Variants in BACH2 observed in about 807,000 individuals in gnomAD.
BACH2 encodes the protein BACH transcriptional regulator 2, also known as transcription regulator protein BACH2.
BACH2 carries 5 observed loss-of-function variants against 61.8 expected under a neutral mutation model. That is an observed-to-expected ratio of 0.08 (90% CI 0.04 to 0.17). The LOEUF (loss-of-function observed/expected upper bound fraction) is 0.17, where lower values mean the gene tolerates loss of function less well. Ranked by LOEUF, BACH2 falls within the 10% of genes least tolerant of loss-of-function variation. The probability of loss-of-function intolerance (pLI) is 1.00; values close to 1 mark genes in which losing one functional copy is unlikely to be tolerated. For synonymous variants in BACH2, 446 were observed against 440.1 expected (o/e 1.01, Z -0.17); for missense variants, 824 against 1,091.1 (o/e 0.76, Z 3.45).
chr6:90,252,552 A>C lies in BACH2; in HGVS notation c.-314T>G, dbSNP rs774976977. On this transcript the variant is annotated 5_prime_UTR_variant, in exon 3 of 9. Transcript: ENST00000257749. ...ATGCTTTCTTCTGGCTTTATCATTC[A>C]ACTTCCCAGGCAAAGATGATCAACA... 1.1e-4 allele frequency: 17 copies of C among 152,196 alleles called. No individual in the cohort carries two copies. Among genetic ancestry groups the C allele is most frequent in the Non-Finnish European group, 2.4e-4 (16 of 68,032 alleles). 9.4% of individuals were successfully genotyped at this position (152,196 alleles called of 1,614,324 possible). A position where few individuals can be genotyped will look rare whatever the true frequency, so the allele number is the denominator to read the frequency against.
chr6:90,113,625 T>A (rs1050426158), intron 4 of BACH2, among the ~76,000 whole-genome samples: 6 of 151,564 alleles, frequency 4.0e-5, no homozygotes, highest in Admixed American at 2.0e-4. Context: ...AATGTTCACA[T>A]CAAAAAGTTA....
chr6:89,959,604 G>A (rs570189813), intron 6 of BACH2, among the ~76,000 whole-genome samples: 1 of 152,254 alleles, frequency 6.6e-6, no homozygotes, highest in African/African-American at 2.4e-5. Flanking sequence ...CTCTCTCTGT[G>A]CGTGTGTATC....
intron 5 of BACH2, chr6:90,062,773 C>A: frequency 5.4e-6 from 1 of 186,814 alleles, no homozygotes; most frequent in Non-Finnish European, 8.0e-6. Flanking sequence ...TTTTTTTTTT[C>A]CCTAAAGTGT....
At chr6:90,174,079 T>G (rs1013828317) in intron 4 of BACH2, among the ~76,000 whole-genome samples, 4 of 152,104 alleles carry the variant, frequency 2.6e-5, no homozygotes, top group Non-Finnish European at 5.9e-5. Context: ...TTCCTAATAA[T>G]GTATCTTCAA....
intron 4 of BACH2, among the ~76,000 whole-genome samples, chr6:90,156,642 ACTTAGGGCCTTGCATTT>A (rs1392146494): frequency 6.6e-6 from 1 of 152,140 alleles, no homozygotes; most frequent in Non-Finnish European, 1.5e-5. Context: ...GGTGGTCTTT[ACTTAGGGCCTTGCATTT>A]CTTAGGCTAA....
chr6:90,157,039 T>C (rs990184055), intron 4 of BACH2, among the ~76,000 whole-genome samples: 46 of 152,140 alleles, frequency 3.0e-4, no homozygotes, highest in Non-Finnish European at 1.6e-4. Flanking sequence ...GCCGCACTCT[T>C]CAAGAGCTTC....
At chr6:89,966,814 G>C (rs970730895) in intron 6 of BACH2, among the ~76,000 whole-genome samples, 1 of 152,200 alleles carries the variant, frequency 6.6e-6, no homozygotes, top group Non-Finnish European at 1.5e-5. Flanking sequence ...TTGCTGGGAA[G>C]AGCAGTGTGT....
At chr6:90,066,544 G>C (rs1780975438) in intron 5 of BACH2, among the ~76,000 whole-genome samples, 1 of 152,220 alleles carries the variant, frequency 6.6e-6, no homozygotes, top group South Asian at 2.1e-4. Context: ...GGAGCAACTA[G>C]CCTGGGAGAT....
chr6:90,206,270 A>G (rs1381196791), intron 4 of BACH2, among the ~76,000 whole-genome samples: 1 of 152,158 alleles, frequency 6.6e-6, no homozygotes, highest in African/African-American at 2.4e-5. Context: ...AGTCCCAGGA[A>G]ATCTAGCCCC....
At chr6:90,078,044 A>C (rs1280296435) in intron 5 of BACH2, among the ~76,000 whole-genome samples, 1 of 152,190 alleles carries the variant, frequency 6.6e-6, no homozygotes, top group Non-Finnish European at 1.5e-5. Flanking sequence ...GCAAAGCATA[A>C]AAAATAAAAA....
chr6:89,982,720 G>A (rs979717204), intron 6 of BACH2, among the ~76,000 whole-genome samples: 1 of 152,102 alleles, frequency 6.6e-6, no homozygotes, highest in Non-Finnish European at 1.5e-5. Context: ...CTCGGTAAAT[G>A]AGGTATTATG....
intron 1 of BACH2, among the ~76,000 whole-genome samples, chr6:90,285,867 G>A (rs1014164333): frequency 6.6e-6 from 1 of 152,186 alleles, no homozygotes; most frequent in Non-Finnish European, 1.5e-5. Context: ...AATTACTCTC[G>A]TGTACTTGAG....
intron 6 of BACH2, among the ~76,000 whole-genome samples, chr6:90,007,210 G>A (rs1777455880): frequency 1.3e-5 from 2 of 152,130 alleles, no homozygotes; most frequent in East Asian, 1.9e-4. Context: ...GAGTAGCTGG[G>A]ATTATAGGCA....
chr6:90,087,493 T>C (rs1582336987), intron 5 of BACH2, among the ~76,000 whole-genome samples: 1 of 152,212 alleles, frequency 6.6e-6, no homozygotes, highest in Non-Finnish European at 1.5e-5. Context: ...TTTGTATGTA[T>C]GCTTACATGT....
intron 8 of BACH2, among the ~76,000 whole-genome samples, chr6:89,935,708 G>A (rs1195029745): frequency 6.6e-6 from 1 of 152,234 alleles, no homozygotes; most frequent in Non-Finnish European, 1.5e-5. Context: ...TGCCTGGTCT[G>A]TGGCTTGGAA....
In BACH2 at chr6:90,012,675, A is replaced by T. The variant is rs756283536; in HGVS notation, c.-12-3819T>A. 7.2e-5 allele frequency among the ~76,000 whole-genome samples: 11 copies of T among 151,894 alleles called. No individual in the cohort carries two copies. In the East Asian group the frequency reaches 7.8e-4, roughly 11 times the overall value. The stretch of plus-strand genomic sequence containing the variant: ...TTTTTCTCAGCAATATTTTAATTGA[A>T]AATTTTTTTTGGAGACAGTCTCACT... On this transcript the variant is annotated intron_variant, in intron 5 of 8. Coordinates refer to ENST00000257749, the MANE Select transcript of BACH2 (RefSeq NM_021813.4).
At position 89,957,863 on chromosome 6, in the gene BACH2, G is replaced by A. The variant is rs79729583; in HGVS notation, c.244-6001C>T. ...GCAATTTTATTATGAATTTTAGATA[G>A]AGCTTATTTTGTGTTCTATTCCTAA... On this transcript the variant is annotated intron_variant, in intron 6 of 8. Coordinates refer to ENST00000257749, the MANE Select transcript of BACH2 (RefSeq NM_021813.4). Among the ~76,000 whole-genome samples the A allele has an allele frequency of 8.6e-3, 1,307 of 152,280 alleles. 17 individuals are homozygous for A. The highest frequency in any genetic ancestry group is 0.03 in the African/African-American group (1,233 of 41,552).
rs1774001093 is a variant in BACH2 at position 89,950,350 on chromosome 6, C to T, written c.1756G>A (p.Gly586Arg). The T allele has an allele frequency of 6.2e-7, 1 of 1,614,152 alleles. No homozygotes were observed. The highest frequency in any genetic ancestry group is 8.5e-7 in the Non-Finnish European group (1 of 1,180,038). Residue 586 changes from glycine (G) to arginine (R), a missense_variant, in exon 7 of 9, where the codon GGA (glycine) becomes AGA (arginine). Coordinates refer to ENST00000257749, the MANE Select transcript of BACH2 (RefSeq NM_021813.4). This position sits in a 1 kb window ranked among gnomAD's most constrained non-coding sequence, Gnocchi z 5.3. ...RPQIKCEQSY[G>R]TNSSDESGSF... ...CCGGATTCGTCACTGGAGTTGGTTCCATAAGACTGCTCACATTTAATTTGG... is the reference window on the plus strand; with the variant it reads ...CCGGATTCGTCACTGGAGTTGGTTCTATAAGACTGCTCACATTTAATTTGG...
intron 6 of BACH2, among the ~76,000 whole-genome samples, chr6:89,992,579 T>A (rs1244652681): frequency 1.3e-5 from 2 of 151,874 alleles, no homozygotes; most frequent in South Asian, 4.2e-4. Context: ...GAGGTGGAGG[T>A]TGTGGTGAGC....
Sources: allele counts gnomAD v4.1 joint callset (sites outside exome capture counted in the v4.1 genomes callset), GRCh38; gene constraint gnomAD v4.1.1; non-coding constraint Gnocchi (gnomAD v3.1); transcripts MANE v1.5; gene names NCBI Gene and HGNC (gene_info 2026-07-23, HGNC 2026-07-21).